Variants in CPNE8 observed in about 807,000 individuals in gnomAD.
The protein encoded by CPNE8 is copine-8.
In CPNE8, 45 loss-of-function variants were observed where a neutral mutation model predicts 81.5. The observed-to-expected ratio is 0.55, with a 90% confidence interval of 0.44 to 0.71. The LOEUF (loss-of-function observed/expected upper bound fraction) is 0.71. Among genes scored for constraint, CPNE8 ranks in the 30% least tolerant of loss-of-function variants. The pLI, the probability that CPNE8 is intolerant of heterozygous loss-of-function variation, is 0.00. For synonymous variants in CPNE8, 252 were observed against 226.3 expected (o/e 1.11, Z -1.02); for missense variants, 594 against 672.1 (o/e 0.88, Z 1.28).
At position 38,776,222 on chromosome 12, in the gene CPNE8, A is replaced by T. The variant is rs1022390483; in HGVS notation, c.471+16T>A. On this transcript the variant is annotated intron_variant, in intron 7 of 19. Transcript: ENST00000331366. ...AGTATGGAAGTATTTTCTAAACCAA[A>T]GAAATATTTACTTACCCTGCAACAG... is the stretch of plus-strand genomic sequence containing the variant. The T allele has an allele frequency of 6.9e-7, 1 of 1,441,492 alleles. No individual in the cohort carries two copies. Among genetic ancestry groups the T allele is most frequent in the Non-Finnish European group, 9.5e-7 (1 of 1,050,706 alleles). 89.3% of individuals were successfully genotyped at this position (1,441,492 alleles called of 1,614,324 possible).
At chr12:38,840,143 C>T (rs376821662) in intron 4 of CPNE8, among the ~76,000 whole-genome samples, 188 bp from the exon 5 acceptor site, 13 of 152,060 alleles carry the variant, frequency 8.5e-5, no homozygotes, top group African/African-American at 2.9e-4. Flanking sequence ...AATTCATGAT[C>T]CTTGGGTTCT....
chr12:38,772,577 G>A (rs538993066), intron 7 of CPNE8, among the ~76,000 whole-genome samples: 79 of 152,248 alleles, frequency 5.2e-4, no homozygotes, highest in Middle Eastern at 6.8e-3. Flanking sequence ...GCTCACGCCT[G>A]TTAGAATGCC....
chr12:38,875,640 G>T (rs2137111475), intron 1 of CPNE8, among the ~76,000 whole-genome samples: 1 of 152,176 alleles, frequency 6.6e-6, no homozygotes, highest in East Asian at 1.9e-4. Flanking sequence ...AAAAGTGATT[G>T]CCGCCATTGA....
At chr12:38,813,581 G>C (rs909639787) in intron 6 of CPNE8, among the ~76,000 whole-genome samples, 1 of 152,176 alleles carries the variant, frequency 6.6e-6, no homozygotes, top group South Asian at 2.1e-4. Flanking sequence ...AAATATAATT[G>C]TTATAAGACA....
At chr12:38,834,258 A>G (rs1464470335) in intron 5 of CPNE8, among the ~76,000 whole-genome samples, 1 of 152,150 alleles carries the variant, frequency 6.6e-6, no homozygotes, top group African/African-American at 2.4e-5. Context: ...TAGTAAATCT[A>G]TATCTTAGTC....
At chr12:38,777,469 T>A (rs2136894647) in intron 6 of CPNE8, among the ~76,000 whole-genome samples, 1 of 152,070 alleles carries the variant, frequency 6.6e-6, no homozygotes, top group Admixed American at 6.5e-5. Flanking sequence ...GAAAGAAAAA[T>A]AGTTTTAAAT....
chr12:38,772,872 G>A (rs577589099), intron 7 of CPNE8, among the ~76,000 whole-genome samples: 2 of 151,908 alleles, frequency 1.3e-5, no homozygotes, highest in African/African-American at 4.8e-5. Flanking sequence ...AGCAAATGAA[G>A]TGTCCATCAA....
intron 1 of CPNE8, among the ~76,000 whole-genome samples, chr12:38,889,832 G>A (rs79559545): frequency 0.05 from 7,608 of 152,248 alleles, 618 homozygotes; most frequent in African/African-American, 0.17. Context: ...ATGGGAGGAT[G>A]AGGCCTGAGG....
intron 4 of CPNE8, among the ~76,000 whole-genome samples, chr12:38,847,626 A>G (rs1047593110): frequency 3.3e-5 from 5 of 152,184 alleles, no homozygotes; most frequent in African/African-American, 1.2e-4. Flanking sequence ...GAAAGAAGCT[A>G]GTATAAGATC....
intron 1 of CPNE8, among the ~76,000 whole-genome samples, chr12:38,900,948 G>T (rs1222547495): frequency 6.6e-6 from 1 of 152,146 alleles, no homozygotes; most frequent in African/African-American, 2.4e-5. Flanking sequence ...GGCCAGGGGG[G>T]CAGTGGCTCA....
At chr12:38,708,403 A>G (rs1017006077) in intron 13 of CPNE8, among the ~76,000 whole-genome samples, 2 of 152,104 alleles carry the variant, frequency 1.3e-5, no homozygotes, top group Non-Finnish European at 2.9e-5. Context: ...TTTATATAAG[A>G]TTACTCCTGA....
intron 19 of CPNE8, among the ~76,000 whole-genome samples, chr12:38,664,539 T>C (rs1257181129): frequency 4.6e-5 from 7 of 152,134 alleles, no homozygotes; most frequent in Non-Finnish European, 8.8e-5. Flanking sequence ...GTATCAGTTA[T>C]ACAGTAATTC....
chr12:38,685,268 A>G (rs148723248), intron 16 of CPNE8, among the ~76,000 whole-genome samples: 2 of 152,328 alleles, frequency 1.3e-5, no homozygotes, highest in Admixed American at 6.5e-5. Flanking sequence ...TCCTAACATA[A>G]CCCAGCAAAT....
At chr12:38,762,462 C>A (rs1008059520) in intron 8 of CPNE8, among the ~76,000 whole-genome samples, 11 of 152,142 alleles carry the variant, frequency 7.2e-5, no homozygotes, top group Admixed American at 6.5e-5. Context: ...GTTTTGTAAA[C>A]AATCTCTGTA....
At chr12:38,715,278 G>A (rs1940358462) in intron 13 of CPNE8, among the ~76,000 whole-genome samples, 2 of 152,062 alleles carry the variant, frequency 1.3e-5, no homozygotes, top group African/African-American at 2.4e-5. Flanking sequence ...TAATGTAGAG[G>A]ACAAAATAAA....
intron 13 of CPNE8, among the ~76,000 whole-genome samples, chr12:38,717,353 G>A (rs1480370409): frequency 2.7e-5 from 4 of 145,488 alleles, no homozygotes; most frequent in African/African-American, 1.0e-4. Flanking sequence ...GTTTATAGCA[G>A]CACAATTTCT....
At chr12:38,803,717 T>C (rs1247408486) in intron 6 of CPNE8, among the ~76,000 whole-genome samples, 2 of 150,134 alleles carry the variant, frequency 1.3e-5, no homozygotes, top group East Asian at 2.0e-4. Flanking sequence ...GGAAGTCAAA[T>C]TGTCCCTGTT....
intron 6 of CPNE8, among the ~76,000 whole-genome samples, chr12:38,821,189 C>T (rs1943104739): frequency 6.6e-6 from 1 of 152,036 alleles, no homozygotes; most frequent in South Asian, 2.1e-4. Context: ...TTCATAGGGC[C>T]TGTATCAATA....
At chr12:38,697,920 C>T (rs998571016) in intron 14 of CPNE8, among the ~76,000 whole-genome samples, 3 of 152,150 alleles carry the variant, frequency 2.0e-5, no homozygotes, top group African/African-American at 7.2e-5. Flanking sequence ...TGGTGCCATG[C>T]TTATACAGCC....
Sources: allele counts gnomAD v4.1 joint callset (sites outside exome capture counted in the v4.1 genomes callset), GRCh38; gene constraint gnomAD v4.1.1; transcripts MANE v1.5; gene names NCBI Gene and HGNC (gene_info 2026-07-23, HGNC 2026-07-21).